SAMTOR: variants seen among roughly 807,000 people sequenced by gnomAD.
The protein encoded by SAMTOR is S-adenosylmethionine sensor upstream of mTORC1.
At chr7:112,908,118 T>G in the SAMTOR span, among the ~76,000 whole-genome samples, 3 of 152,226 alleles carry the variant, frequency 2.0e-5, no homozygotes, top group African/African-American at 7.2e-5. Context: ...CTGTGATGGT[T>G]AATTTTAGGT....
the SAMTOR span, among the ~76,000 whole-genome samples, chr7:112,890,316 T>C: frequency 6.6e-6 from 1 of 152,056 alleles, no homozygotes; most frequent in African/African-American, 2.4e-5. Flanking sequence ...TACTAAATTA[T>C]GCAGATACTG....
At chr7:112,895,121 AC>A in the SAMTOR span, among the ~76,000 whole-genome samples, 1 of 151,972 alleles carries the variant, frequency 6.6e-6, no homozygotes, top group Admixed American at 6.6e-5. Flanking sequence ...GTGGATAGCC[AC>A]TTTAATTGTA....
chr7:112,933,791 G>A, the SAMTOR span, among the ~76,000 whole-genome samples: 1 of 152,096 alleles, frequency 6.6e-6, no homozygotes, highest in African/African-American at 2.4e-5. Flanking sequence ...CCACCAAATT[G>A]CTTTCTGGGG....
chr7:112,869,153 G>A, the SAMTOR span, among the ~76,000 whole-genome samples: 3,073 of 152,072 alleles, frequency 0.02, 89 homozygotes, highest in African/African-American at 0.071. Flanking sequence ...GAATGAATTC[G>A]GAGAGTGGGG....
the SAMTOR span, among the ~76,000 whole-genome samples, chr7:112,879,914 C>A: frequency 6.6e-6 from 1 of 152,130 alleles, no homozygotes. Context: ...ACATATAAGT[C>A]TAGTTAACCT....
At chr7:112,837,417 C>G in the SAMTOR span, among the ~76,000 whole-genome samples, 1 of 151,776 alleles carries the variant, frequency 6.6e-6, no homozygotes, top group African/African-American at 2.4e-5. Flanking sequence ...CTATTTGTTC[C>G]TTTTATTTCT....
chr7:112,857,616 A>C, the SAMTOR span, among the ~76,000 whole-genome samples: 2 of 152,232 alleles, frequency 1.3e-5, no homozygotes, highest in African/African-American at 4.8e-5. Context: ...AAAATGAAAA[A>C]GTTTCAGAGC....
the SAMTOR span, among the ~76,000 whole-genome samples, chr7:112,876,055 A>C: frequency 6.6e-6 from 1 of 152,008 alleles, no homozygotes; most frequent in African/African-American, 2.4e-5. Flanking sequence ...CCGCCTCCTG[A>C]GCTCAAGTGA....
chr7:112,856,506 T>C, the SAMTOR span, among the ~76,000 whole-genome samples: 1 of 152,180 alleles, frequency 6.6e-6, no homozygotes, highest in Non-Finnish European at 1.5e-5. Context: ...TGCCTCGGCC[T>C]CCCAAAGTGC....
chr7:112,831,058 G>C, the SAMTOR span, among the ~76,000 whole-genome samples: 2 of 151,372 alleles, frequency 1.3e-5, no homozygotes, highest in South Asian at 4.2e-4. Flanking sequence ...AAATATACTA[G>C]GCACTCTTCT....
the SAMTOR span, among the ~76,000 whole-genome samples, chr7:112,887,487 T>C: frequency 6.6e-6 from 1 of 152,310 alleles, no homozygotes; most frequent in East Asian, 1.9e-4. Flanking sequence ...TCCCTCTGAT[T>C]CTGTTTTCAG....
At chr7:112,853,852 T>A in the SAMTOR span, among the ~76,000 whole-genome samples, 1 of 152,172 alleles carries the variant, frequency 6.6e-6, no homozygotes, top group South Asian at 2.1e-4. Context: ...AAATCAATGA[T>A]CTAGGCCTTA....
At chr7:112,895,820 C>G in the SAMTOR span, 2 of 914,638 alleles carry the variant, frequency 2.2e-6, no homozygotes, top group Non-Finnish European at 3.0e-6. Flanking sequence ...TTTTATTAAT[C>G]AAGATGGGAA....
At chr7:112,938,707 A>G in the SAMTOR span, among the ~76,000 whole-genome samples, 30 of 152,288 alleles carry the variant, frequency 2.0e-4, no homozygotes, top group Middle Eastern at 0.01. Flanking sequence ...AAATCTTATA[A>G]AACAGCTGTG....
the SAMTOR span, among the ~76,000 whole-genome samples, chr7:112,882,803 TTCC>T: frequency 6.6e-6 from 1 of 151,120 alleles, no homozygotes; most frequent in African/African-American, 2.4e-5. Context: ...GACATTTAAC[TTCC>T]TCCTTTACTA....
chr7:112,840,524 T>C, the SAMTOR span, among the ~76,000 whole-genome samples: 14 of 151,930 alleles, frequency 9.2e-5, no homozygotes, highest in African/African-American at 3.4e-4. Context: ...TTATACTTCA[T>C]TTTTAACTTC....
At chr7:112,909,463 C>T in the SAMTOR span, among the ~76,000 whole-genome samples, 7 of 152,000 alleles carry the variant, frequency 4.6e-5, no homozygotes, top group Admixed American at 4.6e-4. Flanking sequence ...ATAAAAAACG[C>T]CCCAAACTGA....
the SAMTOR span, among the ~76,000 whole-genome samples, chr7:112,908,781 C>T: frequency 9.5e-4 from 145 of 152,136 alleles, no homozygotes; most frequent in Non-Finnish European, 1.6e-3. Flanking sequence ...GAGGTGTTAC[C>T]CGGTGTAATG....
the SAMTOR span, among the ~76,000 whole-genome samples, chr7:112,861,685 TCTC>T: frequency 2.6e-5 from 4 of 152,228 alleles, no homozygotes; most frequent in African/African-American, 9.6e-5. Flanking sequence ...TGAAAAATTC[TCTC>T]CTCTTCATTA....
Sources: gnomAD v4.1 joint callset for allele counts (sites outside exome capture counted in the v4.1 genomes callset) on GRCh38, gnomAD v4.1.1 for gene constraint, MANE v1.5 for transcripts, NCBI Gene and HGNC (gene_info 2026-07-23, HGNC 2026-07-21) for gene names.